The following NHSL2 variants were observed in gnomAD, a reference collection of about 807,000 sequenced individuals.
The protein encoded by NHSL2 is NHS-like protein 2.
A neutral mutation model predicts 53.4 loss-of-function variants in NHSL2; 27 were observed. The observed-to-expected ratio is 0.51, with a 90% CI of 0.37 to 0.70. The LOEUF is 0.70. NHSL2 is among the 30% of genes least tolerant of loss of function. The pLI, the probability that NHSL2 is intolerant of heterozygous loss-of-function variation, is 0.00. For synonymous variants in NHSL2, 408 were observed against 404.1 expected (o/e 1.01, Z -0.12); for missense variants, 892 against 980.1 (o/e 0.91, Z 1.20).
chrX:71,983,621 AT>A (rs1205561715), intron 1 of NHSL2, among the ~76,000 whole-genome samples: 1 of 110,573 alleles, frequency 9.0e-6, no homozygotes, highest in African/African-American at 3.3e-5. Flanking sequence ...TAAAAAAAAA[AT>A]AAAACTGTTA....
chrX:71,977,767 T>G (rs2041955228), intron 1 of NHSL2, among the ~76,000 whole-genome samples: 1 of 112,218 alleles, frequency 8.9e-6, no homozygotes, highest in South Asian at 3.7e-4. Context: ...CCGCACCTTC[T>G]ATTTGTAGAC....
chrX:72,085,373 G>A (rs891408690), intron 1 of NHSL2, among the ~76,000 whole-genome samples: 3 of 112,196 alleles, frequency 2.7e-5, no homozygotes, highest in African/African-American at 9.7e-5. Context: ...TAACCTGCCC[G>A]GTATGCTTTC....
intron 1 of NHSL2, among the ~76,000 whole-genome samples, chrX:72,118,852 T>G (rs2042160834): frequency 8.9e-6 from 1 of 112,374 alleles, no homozygotes; most frequent in African/African-American, 3.2e-5. Context: ...CTGCCTAATC[T>G]AAGGCCTTAA....
intron 1 of NHSL2, among the ~76,000 whole-genome samples, chrX:72,075,901 AGTGTGTGT>A (rs10637913): frequency 1.4e-4 from 13 of 93,393 alleles, no homozygotes; most frequent in South Asian, 5.7e-4. Flanking sequence ...GGGGGAGCAC[AGTGTGTGT>A]GTGTGTGTGT....
In NHSL2 at chrX:71,970,388, T is replaced by G. The variant is rs935691920; in HGVS notation, c.280+59021T>G. On this transcript the variant is annotated intron_variant, in intron 1 of 7. Coordinates refer to ENST00000633930, the MANE Select transcript of NHSL2 (RefSeq NM_001013627.3). ...GACTTTTTTATGGGAAGTTTTAAAATTATTAATTCAGTCTCTTTGTTTGTT... is the reference window on the plus strand; with the variant it reads ...GACTTTTTTATGGGAAGTTTTAAAAGTATTAATTCAGTCTCTTTGTTTGTT... 4.5e-5 allele frequency among the ~76,000 whole-genome samples: 5 copies of G among 111,822 alleles called. No individual in the cohort carries two copies. In the East Asian group the frequency reaches 1.4e-3, roughly 31 times the overall value.
rs1027462262 is a variant in NHSL2 at position 71,988,659 on chromosome X, C to A, written c.280+77292C>A. On this transcript the variant is annotated intron_variant, in intron 1 of 7. Transcript: ENST00000633930. ...ACCCCACTTACCCAAAGTCGGCCAA[C>A]TGGTGCTGCAGACTATTTCCTTTGG... Among the ~76,000 whole-genome samples, 9 of 111,402 alleles carry A rather than the reference C, an allele frequency of 8.1e-5. 1 individual carries two copies. The highest frequency in any genetic ancestry group is 1.9e-5 in the Non-Finnish European group (1 of 53,053).
intron 1 of NHSL2, among the ~76,000 whole-genome samples, chrX:72,053,358 G>A (rs937431144): frequency 1.5e-4 from 17 of 111,702 alleles, no homozygotes; most frequent in Admixed American, 1.2e-3. Flanking sequence ...GGGACAGGAC[G>A]CTCCATAACT....
At chrX:72,019,425 G>A (rs141600245) in intron 1 of NHSL2, among the ~76,000 whole-genome samples, 1 of 112,541 alleles carries the variant, frequency 8.9e-6, no homozygotes, top group Non-Finnish European at 1.9e-5. Flanking sequence ...AACCCGACAC[G>A]TAGGTAAACA....
chrX:72,070,073 C>T (rs2042458073), intron 1 of NHSL2, among the ~76,000 whole-genome samples: 1 of 111,995 alleles, frequency 8.9e-6, no homozygotes, highest in Admixed American at 9.4e-5. Flanking sequence ...TGCTTTCTCC[C>T]TGGATCCAGT....
intron 1 of NHSL2, among the ~76,000 whole-genome samples, chrX:72,113,091 G>A (rs770595230): frequency 8.9e-6 from 1 of 112,111 alleles, no homozygotes; most frequent in African/African-American, 3.2e-5. Context: ...CTCCATTTCT[G>A]TGGGCTGCCT....
chrX:71,950,743 G>A (rs981124887), intron 1 of NHSL2, among the ~76,000 whole-genome samples: 6 of 111,582 alleles, frequency 5.4e-5, no homozygotes, highest in Non-Finnish European at 9.4e-5. Flanking sequence ...GCTGGACTTA[G>A]ACAGCTCTGT....
intron 1 of NHSL2, among the ~76,000 whole-genome samples, chrX:71,966,540 A>G (rs1264504951): frequency 1.8e-5 from 2 of 112,214 alleles, no homozygotes; most frequent in African/African-American, 6.5e-5. Flanking sequence ...TTCTGCATCT[A>G]TAGATACAAT....
intron 1 of NHSL2, among the ~76,000 whole-genome samples, chrX:72,000,066 T>C (rs1258626166): frequency 8.9e-6 from 1 of 112,317 alleles, no homozygotes; most frequent in African/African-American, 3.2e-5. Flanking sequence ...AGTAAATTTA[T>C]AATAAACCTA....
In NHSL2 at chrX:72,137,186, A is replaced by AC; in HGVS notation, c.855dup (p.Ile286HisfsTer6). On this transcript the variant is annotated frameshift_variant, in exon 5 of 8. Coordinates refer to ENST00000633930, the MANE Select transcript of NHSL2 (RefSeq NM_001013627.3). LOFTEE classifies it high-confidence loss of function. ...CAAGTCCACCCTGAGGCGGAGGCGG[A>AC]CCATTATTGGATTCTCTAACTTTTC... The AC allele has an allele frequency of 8.6e-7, 1 of 1,166,587 alleles. No homozygotes were observed. The highest frequency in any genetic ancestry group is 1.1e-6 in the Non-Finnish European group (1 of 872,122).
At chrX:71,948,598 G>A (rs1008860726) in intron 1 of NHSL2, among the ~76,000 whole-genome samples, 1 of 110,984 alleles carries the variant, frequency 9.0e-6, no homozygotes, top group Admixed American at 9.5e-5. Flanking sequence ...TTGGGAGGCC[G>A]AGGTGGGTGG....
chrX:71,967,684 T>A (rs1482917027), intron 1 of NHSL2, among the ~76,000 whole-genome samples: 1 of 111,701 alleles, frequency 9.0e-6, no homozygotes, highest in Non-Finnish European at 1.9e-5. Flanking sequence ...CTTGTAAAAG[T>A]GTGTTTTATG....
chrX:72,071,099 T>A (rs952243565), intron 1 of NHSL2, among the ~76,000 whole-genome samples: 6 of 110,928 alleles, frequency 5.4e-5, no homozygotes, highest in Non-Finnish European at 1.1e-4. Context: ...CAACTTGGGA[T>A]ATGCTGGCAC....
chrX:72,080,599 TG>T (rs2041783292), intron 1 of NHSL2, among the ~76,000 whole-genome samples: 1 of 108,969 alleles, frequency 9.2e-6, no homozygotes. Context: ...TGTGTGTGTG[TG>T]TGTAAGAATT....
intron 1 of NHSL2, among the ~76,000 whole-genome samples, chrX:72,092,153 C>T (rs1310906581): frequency 1.8e-5 from 2 of 111,609 alleles, no homozygotes; most frequent in East Asian, 5.6e-4. Context: ...GGTGTGCTTC[C>T]GTTTCCTTGG....
Sources: gnomAD v4.1 joint callset for allele counts (sites outside exome capture counted in the v4.1 genomes callset) on GRCh38, gnomAD v4.1.1 for gene constraint, MANE v1.5 for transcripts, NCBI Gene and HGNC (gene_info 2026-07-23, HGNC 2026-07-21) for gene names.